RHPN2: variants seen among roughly 807,000 people sequenced by gnomAD.
RHPN2 encodes the protein rhophilin-2.
A neutral mutation model predicts 79.0 loss-of-function variants in RHPN2; 40 were observed. The ratio of observed to expected loss-of-function variants is 0.51; its 90% CI spans 0.39 to 0.66. The LOEUF is 0.66. RHPN2 is among the 30% of genes least tolerant of loss of function. RHPN2 has a pLI of 0.00. For synonymous variants in RHPN2, 285 were observed against 363.5 expected, an observed-to-expected ratio of 0.78 and a Z score of 2.46; for missense variants, 686 against 883.5, an observed-to-expected ratio of 0.78 and a Z score of 2.83.
At chr19:33,021,364 T>C (rs527769901) in intron 4 of RHPN2, among the ~76,000 whole-genome samples, 6 of 152,318 alleles carry the variant, frequency 3.9e-5, no homozygotes, top group African/African-American at 1.4e-4. Context: ...CCATTTTTTT[T>C]CTTTTTTTTG....
intron 2 of RHPN2, among the ~76,000 whole-genome samples, chr19:33,032,758 C>T (rs796322434): frequency 5.3e-5 from 8 of 152,208 alleles, no homozygotes; most frequent in African/African-American, 1.9e-4. Flanking sequence ...TCCTCCCATC[C>T]CTCAGTATCA....
In RHPN2 at chr19:32,985,672, C is replaced by T. The variant is rs532751010; in HGVS notation, c.1800+4842G>A. On this transcript the variant is annotated intron_variant, in intron 14 of 14. Coordinates refer to ENST00000254260, the MANE Select transcript of RHPN2 (RefSeq NM_033103.5). ...TTCTAGACAGGGTCTCACTCTGTCACGCAGGCTGGAGTACAGTGGCTCGAT... is the reference window on the plus strand; with the variant it reads ...TTCTAGACAGGGTCTCACTCTGTCATGCAGGCTGGAGTACAGTGGCTCGAT... Among the ~76,000 whole-genome samples, 14 of 152,326 alleles carry T rather than the reference C, an allele frequency of 9.2e-5. No individual in the cohort carries two copies. In the East Asian group the frequency reaches 1.9e-3, roughly 21 times the overall value.
intron 2 of RHPN2, among the ~76,000 whole-genome samples, chr19:33,034,126 A>G (rs1972035236): frequency 6.7e-6 from 1 of 148,372 alleles, no homozygotes. Context: ...CCAAAGTGCT[A>G]GGATTATAGG....
At chr19:33,029,432 A>G (rs911676160) in intron 2 of RHPN2, among the ~76,000 whole-genome samples, 4 of 150,532 alleles carry the variant, frequency 2.7e-5, no homozygotes, top group African/African-American at 9.8e-5. Context: ...GGGCTGAGGC[A>G]GGAGAATGGC....
intron 1 of RHPN2, among the ~76,000 whole-genome samples, chr19:33,055,492 T>C (rs1489260603): frequency 6.6e-6 from 1 of 151,904 alleles, no homozygotes; most frequent in African/African-American, 2.4e-5. Flanking sequence ...AGGGGATGGA[T>C]CTAAACAGCC....
intron 4 of RHPN2, among the ~76,000 whole-genome samples, chr19:33,019,875 C>A (rs2145244601): frequency 6.6e-6 from 1 of 152,284 alleles, no homozygotes; most frequent in South Asian, 2.1e-4. Context: ...ATGGCGCAAA[C>A]TTGGGCCACC....
intron 3 of RHPN2, among the ~76,000 whole-genome samples, chr19:33,024,756 A>G (rs545979211): frequency 4.6e-5 from 7 of 152,326 alleles, no homozygotes; most frequent in African/African-American, 1.7e-4. Context: ...CTCCTTAAAA[A>G]GAAGCATTTC....
At chr19:33,003,129 T>C (rs1971763323) in intron 7 of RHPN2, 129 bp from the exon 8 acceptor site, 3 of 779,338 alleles carry the variant, frequency 3.8e-6, no homozygotes, top group Admixed American at 4.1e-5. Context: ...GAGGCCGAAG[T>C]GAGCAGATCA....
chr19:33,005,855 T>C (rs1382540684), intron 7 of RHPN2, among the ~76,000 whole-genome samples: 1 of 152,186 alleles, frequency 6.6e-6, no homozygotes, highest in African/African-American at 2.4e-5. Flanking sequence ...AATCTTAGCA[T>C]ATCGCTTCAT....
At chr19:33,007,969 G>A (rs753896162) in intron 7 of RHPN2, 45 bp downstream of exon 7, 11 of 1,608,096 alleles carry the variant, frequency 6.8e-6, no homozygotes, top group East Asian at 4.5e-5. Flanking sequence ...TGGTGCCACC[G>A]GGTGGGGCCA....
intron 9 of RHPN2, among the ~76,000 whole-genome samples, chr19:33,001,140 C>G (rs1028494045): frequency 6.6e-6 from 1 of 152,152 alleles, no homozygotes; most frequent in African/African-American, 2.4e-5. Context: ...CAAGGTAAAA[C>G]AGCTCATTCA....
rs113546604 is a variant in RHPN2, at chr19:32,994,395, G to T, written c.1421-342C>A. ...TGGGTGACAGAGTCAGACTCCGGGG[G>T]GAAAAAAAAAGTGATCCTTGGGAAG... is the stretch of plus-strand genomic sequence containing the variant. On this transcript the variant is annotated intron_variant, in intron 11 of 14. Coordinates refer to ENST00000254260, the MANE Select transcript of RHPN2 (RefSeq NM_033103.5). Among the ~76,000 whole-genome samples, 5 of 89,416 alleles carry T rather than the reference G, an allele frequency of 5.6e-5. 1 individual carries two copies. The highest frequency in any genetic ancestry group is 3.2e-4 in the African/African-American group (5 of 15,644). 58.7% of individuals were successfully genotyped at this position (89,416 alleles called of 152,430 possible). A position where few individuals can be genotyped will look rare whatever the true frequency, so the allele number is the denominator to read the frequency against.
At chr19:32,990,435 G>T in intron 14 of RHPN2, 79 bp downstream of exon 14, 1 of 1,456,456 alleles carries the variant, frequency 6.9e-7, no homozygotes. Flanking sequence ...AGAGGGTCTG[G>T]TAAACACCTC....
intron 5 of RHPN2, 56 bp from the exon 6 acceptor site, chr19:33,011,859 C>G (rs1326584079): frequency 1.9e-6 from 3 of 1,612,622 alleles, no homozygotes; most frequent in Non-Finnish European, 2.5e-6. Flanking sequence ...GCTGATGGCC[C>G]TTCCCAGAAG....
chr19:32,992,484 C>T (rs1971668489), intron 12 of RHPN2, among the ~76,000 whole-genome samples: 2 of 152,150 alleles, frequency 1.3e-5, no homozygotes, highest in South Asian at 2.1e-4. Flanking sequence ...AGCCACCGCA[C>T]CCGGCCAAAA....
At chr19:33,034,371 C>T (rs1399677681) in intron 2 of RHPN2, among the ~76,000 whole-genome samples, 2 of 151,494 alleles carry the variant, frequency 1.3e-5, no homozygotes, top group Non-Finnish European at 2.9e-5. Flanking sequence ...TTTGGGAGGC[C>T]GAGGTGGGCA....
chr19:33,043,752 C>T (rs1972119455), intron 2 of RHPN2, among the ~76,000 whole-genome samples: 1 of 152,104 alleles, frequency 6.6e-6, no homozygotes, highest in Admixed American at 6.6e-5. Context: ...ACTGTTTTAC[C>T]ACGAGAGCAT....
At chr19:33,017,625 G>A (rs1001623533) in intron 4 of RHPN2, among the ~76,000 whole-genome samples, 1 of 150,826 alleles carries the variant, frequency 6.6e-6, no homozygotes, top group African/African-American at 2.4e-5. Context: ...TTTTACTGGA[G>A]GTGGAAGCAG....
chr19:33,001,387 T>C (rs1347900177), intron 9 of RHPN2, among the ~76,000 whole-genome samples: 3 of 152,086 alleles, frequency 2.0e-5, no homozygotes, highest in Non-Finnish European at 4.4e-5. Flanking sequence ...AAAAAAATTT[T>C]TTTTAATTAA....
Sources: allele counts gnomAD v4.1 joint callset (sites outside exome capture counted in the v4.1 genomes callset), GRCh38; gene constraint gnomAD v4.1.1; transcripts MANE v1.5; gene names NCBI Gene and HGNC (gene_info 2026-07-23, HGNC 2026-07-21).